Variants in ATG7 observed in about 807,000 individuals in gnomAD.
ATG7 encodes the protein ubiquitin-like modifier-activating enzyme ATG7.
In ATG7, 70 loss-of-function variants were observed where a neutral mutation model predicts 82.4. That is an observed-to-expected ratio of 0.85 (90% CI 0.70 to 1.04). The LOEUF (loss-of-function observed/expected upper bound fraction) is 1.04. Among genes scored for constraint, ATG7 ranks in the 50% least tolerant of loss-of-function variants. ATG7 has a pLI of 0.00. For synonymous variants in ATG7, 287 were observed against 313.0 expected (o/e 0.92, Z 0.88); for missense variants, 792 against 864.3 (o/e 0.92, Z 1.05).
rs374506077 is a variant in ATG7, at chr3:11,331,350, G to A, written c.689G>A (p.Gly230Asp). The A allele has an allele frequency of 8.7e-6, 14 of 1,612,830 alleles. No individual in the cohort carries two copies. The highest frequency in any genetic ancestry group is 1.2e-5 in the Non-Finnish European group (14 of 1,178,974). ...FQGQRTKITI[G>D]VYDPCNLAQY... ...CTTTTTTGTTCACAGATAACAATTG[G>A]TGTATATGATCCCTGTAACTTAGCC... Residue 230 changes from glycine (G) to aspartate (D), a missense_variant, in exon 10 of 21, where the codon GGT (glycine) becomes GAT (aspartate). Coordinates refer to ENST00000693202, the MANE Select transcript of ATG7 (RefSeq NM_001349232.2).
chr3:11,436,972 A>G (rs1232496634), intron 20 of ATG7, among the ~76,000 whole-genome samples: 3 of 152,216 alleles, frequency 2.0e-5, no homozygotes, highest in Non-Finnish European at 4.4e-5. Flanking sequence ...GAAATGTTCT[A>G]ATCTTAGATA....
At chr3:11,324,242 A>C (rs1950569191) in intron 9 of ATG7, among the ~76,000 whole-genome samples, 1 of 152,338 alleles carries the variant, frequency 6.6e-6, no homozygotes, top group South Asian at 2.1e-4. Context: ...CTAGTCAGTG[A>C]TTATTTATGA....
At chr3:11,348,754 C>T (rs773354560) in intron 14 of ATG7, 1 of 152,290 alleles carries the variant, frequency 6.6e-6, no homozygotes, top group Non-Finnish European at 1.5e-5. Flanking sequence ...CCACGTCCTA[C>T]TGATTGGTCC....
intron 19 of ATG7, among the ~76,000 whole-genome samples, chr3:11,415,758 CT>C (rs58976243): frequency 0.76 from 111,617 of 146,630 alleles, 42,551 homozygotes; most frequent in East Asian, 0.9. Flanking sequence ...ATGCAGTTAA[CT>C]TTTTTTTTTT....
At chr3:11,324,647 A>G (rs1430382550) in intron 9 of ATG7, among the ~76,000 whole-genome samples, 2 of 151,458 alleles carry the variant, frequency 1.3e-5, no homozygotes, top group Non-Finnish European at 2.9e-5. Context: ...TCAAAAAAAG[A>G]TTTTTTTTTC....
chr3:11,482,674 T>TA lies in ATG7; in HGVS notation c.2079+55751dup, dbSNP rs143277503. Reference sequence around the variant, plus strand: ...ATTTATAGTATCCTTGTATATCTTATAAACATCTGAGTGATAGAGAGCTGA... The same window carrying TA: ...ATTTATAGTATCCTTGTATATCTTATAAAACATCTGAGTGATAGAGAGCTGA... On this transcript the variant is annotated intron_variant, in intron 20 of 20. Transcript: ENST00000693202. Among the ~76,000 whole-genome samples the TA allele has an allele frequency of 2.0e-5, 3 of 152,276 alleles. No homozygotes were observed. The East Asian group carries it at 5.8e-4, about 29-fold the overall frequency.
At chr3:11,399,264 C>A (rs1193284827) in intron 19 of ATG7, among the ~76,000 whole-genome samples, 1 of 152,146 alleles carries the variant, frequency 6.6e-6, no homozygotes, top group Non-Finnish European at 1.5e-5. Context: ...AGGAGAATCG[C>A]TTGAGCCCCA....
rs566087495 is a variant in ATG7 at position 11,491,361 on chromosome 3, T to C, written c.2080-63450T>C. 3.9e-5 allele frequency among the ~76,000 whole-genome samples: 6 copies of C among 152,318 alleles called. No homozygotes were observed. The East Asian group carries it at 1.2e-3, about 29-fold the overall frequency. ...CACTTCTCTGTATTGGTTATTCTAG[T>C]TATACATTCGTCTAAATTTTTTTCA... On this transcript the variant is annotated intron_variant, in intron 20 of 20. Coordinates refer to ENST00000693202, the MANE Select transcript of ATG7 (RefSeq NM_001349232.2).
At chr3:11,278,488 G>T (rs1256075894) in intron 1 of ATG7, among the ~76,000 whole-genome samples, 1 of 152,348 alleles carries the variant, frequency 6.6e-6, no homozygotes, top group African/African-American at 2.4e-5. Context: ...GAACTCATTT[G>T]TATTTTCTCA....
chr3:11,488,894 G>T (rs2090054429), intron 20 of ATG7, among the ~76,000 whole-genome samples: 1 of 152,160 alleles, frequency 6.6e-6, no homozygotes, highest in Admixed American at 6.5e-5. Flanking sequence ...CCAGGCTTTG[G>T]TATCAGGATG....
chr3:11,451,275 G>A (rs1333044575), intron 20 of ATG7, among the ~76,000 whole-genome samples: 2 of 149,108 alleles, frequency 1.3e-5, no homozygotes, highest in Non-Finnish European at 3.0e-5. Context: ...GTAGTGGCAT[G>A]ATCTTGGCTC....
intron 20 of ATG7, among the ~76,000 whole-genome samples, chr3:11,428,841 A>G (rs1259662125): frequency 6.6e-6 from 1 of 152,116 alleles, no homozygotes; most frequent in Non-Finnish European, 1.5e-5. Context: ...CCAATTTTTC[A>G]CTCTTTAAAA....
intron 20 of ATG7, among the ~76,000 whole-genome samples, chr3:11,532,461 G>T (rs1183475251): frequency 2.6e-5 from 4 of 152,158 alleles, no homozygotes; most frequent in African/African-American, 9.7e-5. Context: ...AGTGCCTCAT[G>T]CCTGTAATCC....
chr3:11,529,137 G>A (rs1236849904), intron 20 of ATG7, among the ~76,000 whole-genome samples: 1 of 152,114 alleles, frequency 6.6e-6, no homozygotes. Context: ...GGAGGGGGAC[G>A]GGGCAAGGAA....
At chr3:11,420,753 CTTT>C (rs869277638) in intron 19 of ATG7, among the ~76,000 whole-genome samples, 2,998 of 125,954 alleles carry the variant, frequency 0.024, 71 homozygotes, top group African/African-American at 0.086. Flanking sequence ...ATACAAAATA[CTTT>C]TTTTTTTTTT....
intron 20 of ATG7, among the ~76,000 whole-genome samples, chr3:11,470,541 G>A (rs1051083739): frequency 4.6e-5 from 7 of 152,222 alleles, no homozygotes; most frequent in Admixed American, 6.5e-5. Context: ...ACTGAGTGCT[G>A]ATAACATGCC....
At chr3:11,448,496 A>G (rs894245919) in intron 20 of ATG7, among the ~76,000 whole-genome samples, 2 of 152,198 alleles carry the variant, frequency 1.3e-5, no homozygotes, top group African/African-American at 4.8e-5. Flanking sequence ...AGTCTCCTCC[A>G]TAGTCTAAAA....
At chr3:11,519,826 G>A (rs1232662817) in intron 20 of ATG7, among the ~76,000 whole-genome samples, 1 of 151,974 alleles carries the variant, frequency 6.6e-6, no homozygotes, top group African/African-American at 2.4e-5. Flanking sequence ...CTCCCAAAGT[G>A]CTGGGATTAC....
At chr3:11,450,479 G>A (rs2085005911) in intron 20 of ATG7, among the ~76,000 whole-genome samples, 1 of 152,070 alleles carries the variant, frequency 6.6e-6, no homozygotes, top group Non-Finnish European at 1.5e-5. Context: ...AGATTCTCTG[G>A]GACTAACTCC....
Sources: allele counts gnomAD v4.1 joint callset (sites outside exome capture counted in the v4.1 genomes callset), GRCh38; gene constraint gnomAD v4.1.1; transcripts MANE v1.5; gene names NCBI Gene and HGNC (gene_info 2026-07-23, HGNC 2026-07-21).